GLA: variants seen among roughly 807,000 people sequenced by gnomAD.
The protein encoded by GLA is galactosidase alpha.
GLA carries 4 observed loss-of-function variants against 28.2 expected under a neutral mutation model. That is an observed-to-expected ratio of 0.14 (90% confidence interval 0.07 to 0.32). The LOEUF is 0.32. Among genes scored for constraint, GLA ranks in the 10% least tolerant of loss-of-function variants. The pLI, the probability that GLA is intolerant of heterozygous loss-of-function variation, is 1.00. For synonymous variants in GLA, 94 were observed against 113.0 expected, an observed-to-expected ratio of 0.83 and a Z score of 1.07; for missense variants, 203 against 323.7, an observed-to-expected ratio of 0.63 and a Z score of 2.86.
intron 4 of GLA, among the ~76,000 whole-genome samples, chrX:101,400,150 G>A (rs1928253872): frequency 9.0e-6 from 1 of 111,216 alleles, no homozygotes; most frequent in Admixed American, 9.6e-5. Context: ...AGGGTTTTAA[G>A]CAGGGAACTG....
rs201819574 is a variant in GLA at position 101,407,788 on chromosome X, G to A, written c.116C>T (p.Thr39Met). The A allele has an allele frequency of 1.7e-6, 2 of 1,209,428 alleles. No individual in the cohort carries two copies. Among genetic ancestry groups the A allele is most frequent in the Non-Finnish European group, 2.2e-6 (2 of 894,392 alleles). Residue 39 changes from threonine to methionine, a missense_variant, in exon 1 of 7, where the codon ACG becomes ATG. Thr to Met is a moderately conservative substitution (Grantham distance 81). Transcript: ENST00000218516. ...ARALDNGLAR[T>M]PTMGWLHWER... ...CCAGTGCAGCCAGCCCATGGTAGGCGTCCTTGCCAATCCATTGTCCAGTGC... is the reference window on the plus strand; with the variant it reads ...CCAGTGCAGCCAGCCCATGGTAGGCATCCTTGCCAATCCATTGTCCAGTGC...
intron 4 of GLA, chrX:101,399,776 A>C (rs1170716347): frequency 6.3e-5 from 7 of 111,833 alleles, no homozygotes; most frequent in African/African-American, 1.9e-4. Context: ...ACAAGTCAAC[A>C]AATACTTCCA....
rs1569305794 is a variant in GLA at position 101,406,994 on chromosome X, G to T, written c.194+716C>A. Among the ~76,000 whole-genome samples, 4 of 112,270 alleles carry T rather than the reference G, an allele frequency of 3.6e-5. No individual in the cohort carries two copies. In the South Asian group the frequency reaches 1.4e-3, roughly 41 times the overall value. On this transcript the variant is annotated intron_variant, in intron 1 of 6. Transcript: ENST00000218516. ...TTTGTCAGCTCCCTGAAATTAAAAG[G>T]TTGTAATCCCAATTTACAGATAAGG...
intron 1 of GLA, among the ~76,000 whole-genome samples, chrX:101,405,004 G>A (rs782753295): frequency 4.2e-4 from 46 of 110,325 alleles, no homozygotes; most frequent in African/African-American, 1.4e-3. Flanking sequence ...TTGGGAGGCC[G>A]AGGCAGGCAG....
In GLA at chrX:101,403,806, C is replaced by A. The variant is rs398123209; in HGVS notation, c.369+5G>T. 3 of 1,201,895 alleles carry A rather than the reference C, an allele frequency of 2.5e-6. No homozygotes were observed. Among genetic ancestry groups the A allele is most frequent in the Non-Finnish European group, 3.4e-6 (3 of 887,267 alleles). Reference sequence around the variant, plus strand: ...AATGAACAAGAACATTATCTATAAACTCACATAATTAGCTAGCTGGCGAAT... The same window carrying A: ...AATGAACAAGAACATTATCTATAAAATCACATAATTAGCTAGCTGGCGAAT... On this transcript the variant is annotated splice_donor_5th_base_variant and intron_variant, in intron 2 of 6. Transcript: ENST00000218516.
In GLA at chrX:101,398,362, T is replaced by A; in HGVS notation, c.999+8A>T. Reference sequence around the variant, plus strand: ...TAAAGCCATCTTAAAATATATACTCTTATTTACCTGTCTAAGCTGGTACCC... The same window carrying A: ...TAAAGCCATCTTAAAATATATACTCATATTTACCTGTCTAAGCTGGTACCC... On this transcript the variant is annotated splice_region_variant and intron_variant, in intron 6 of 6. Transcript: ENST00000218516. 8.5e-7 allele frequency: 1 copy of A among 1,172,154 alleles called. No homozygotes were observed. Among genetic ancestry groups the A allele is most frequent in the South Asian group, 1.8e-5 (1 of 56,095 alleles).
chrX:101,398,618 A>T (rs1555985042), intron 5 of GLA, 51 bp from the exon 6 acceptor site: 1 of 1,095,390 alleles, frequency 9.1e-7, no homozygotes, highest in East Asian at 3.0e-5. Flanking sequence ...AACATTCTTA[A>T]AGTTACCTAG....
At chrX:101,401,436 A>G in intron 3 of GLA, 196 bp downstream of exon 3, 1 of 485,458 alleles carries the variant, frequency 2.1e-6, no homozygotes, top group South Asian at 2.9e-5. Context: ...ATGGTTAGGT[A>G]TGCATGGATT....
chrX:101,401,533 G>T (rs782418101), intron 3 of GLA, 99 bp downstream of exon 3: 21 of 671,146 alleles, frequency 3.1e-5, no homozygotes, highest in Non-Finnish European at 4.5e-5. Flanking sequence ...CCAGTATTGT[G>T]ACAGGGTATT....
chrX:101,403,708 C>T lies in GLA; in HGVS notation c.369+103G>A, dbSNP rs1202055090. ...CCTCCCAAAGTGTTGGGATTACAGG[C>T]GTGAGCCACCACGCCCGGCCATGAG... On this transcript the variant is annotated intron_variant, in intron 2 of 6. Transcript: ENST00000218516. The T allele has an allele frequency of 2.5e-5, 20 of 811,239 alleles. No homozygotes were observed. The African/African-American group carries it at 3.4e-4, about 14-fold the overall frequency. The allele number at this position is 811,239 out of a possible 1,213,427, so 66.9% of individuals were successfully genotyped here. A position where few individuals can be genotyped will look rare whatever the true frequency, so the allele number is the denominator to read the frequency against.
At chrX:101,406,311 A>G (rs1928517259) in intron 1 of GLA, among the ~76,000 whole-genome samples, 1 of 110,703 alleles carries the variant, frequency 9.0e-6, no homozygotes, top group African/African-American at 3.3e-5. Context: ...GGGTCTTGCC[A>G]TTAGCCAAAC....
Position 101,406,073 on chromosome X carries a change from G to A in GLA, c.194+1637C>T, listed in dbSNP as rs782722520. Among the ~76,000 whole-genome samples the A allele has an allele frequency of 3.7e-3, 382 of 102,103 alleles. 2 individuals carry two copies. Among genetic ancestry groups the A allele is most frequent in the African/African-American group, 0.013 (371 of 27,645 alleles). The allele number at this position is 102,103 out of a possible 115,157, so 88.7% of individuals were successfully genotyped here. ...AAAAAAAAAAAAAAAAGAGCCAGGC[G>A]TGGTGGCAGGCGCCTGTAGTCCCAG... On this transcript the variant is annotated intron_variant, in intron 1 of 6. Transcript: ENST00000218516.
Position 101,407,771 on chromosome X carries a change from G to A in GLA, c.133C>T (p.Leu45=), listed in dbSNP as rs143084761. Residue 45 remains leucine, a synonymous_variant, in exon 1 of 7, where the codon CTG becomes TTG. Transcript: ENST00000218516. Reference sequence around the variant, plus strand: ...TTGCACATGAAGCGCTCCCAGTGCAGCCAGCCCATGGTAGGCGTCCTTGCC... The same window carrying A: ...TTGCACATGAAGCGCTCCCAGTGCAACCAGCCCATGGTAGGCGTCCTTGCC... ...GLARTPTMGW[L]HWERFMCNLD... is the part of the protein sequence containing the mutation. 35 of 1,209,708 alleles carry A rather than the reference G, an allele frequency of 2.9e-5. No homozygotes were observed. Among genetic ancestry groups the A allele is most frequent in the Non-Finnish European group, 3.8e-5 (34 of 894,632 alleles).
chrX:101,407,590 C>A (rs1038783766), intron 1 of GLA, 120 bp downstream of exon 1: 1 of 667,134 alleles, frequency 1.5e-6, no homozygotes, highest in South Asian at 2.2e-5. Context: ...AAAGCAGCAG[C>A]AGAGTCGGGT....
chrX:101,404,590 G>A, intron 1 of GLA, among the ~76,000 whole-genome samples: 1 of 62,563 alleles, frequency 1.6e-5, no homozygotes, highest in Non-Finnish European at 2.5e-5. Flanking sequence ...TTTTTTTTGA[G>A]ATGGAGTCTC....
At chrX:101,405,589 GGAA>G (rs1928476241) in intron 1 of GLA, among the ~76,000 whole-genome samples, 1 of 111,585 alleles carries the variant, frequency 9.0e-6, no homozygotes, top group Non-Finnish European at 1.9e-5. Flanking sequence ...CCAACACATA[GGAA>G]GAACCACTGT....
At chrX:101,402,737 C>T (rs1445403099) in intron 2 of GLA, among the ~76,000 whole-genome samples, 1 of 109,819 alleles carries the variant, frequency 9.1e-6, no homozygotes, top group African/African-American at 3.3e-5. Context: ...GCACTCCAGC[C>T]TGGGCGACAG....
intron 1 of GLA, 72 bp from the exon 2 acceptor site, chrX:101,404,057 C>T: frequency 1.0e-6 from 1 of 982,470 alleles, no homozygotes; most frequent in Non-Finnish European, 1.4e-6. Context: ...TTATTAGGCA[C>T]CTTGGGATTT....
At position 101,398,033 on chromosome X, in the gene GLA, G is replaced by T. The variant is rs104894827; in HGVS notation, c.1066C>A (p.Arg356=). The change falls in exon 7 of 7, where the codon CGG becomes AGG. Residue 356 remains arginine, a synonymous_variant. Transcript: ENST00000218516. Reference sequence around the variant, plus strand: ...GAGCGAGGTCCACCAATCTCCTGCCGGTTTATCATAGCTACAGCCCAGGCT... The same window carrying T: ...GAGCGAGGTCCACCAATCTCCTGCCTGTTTATCATAGCTACAGCCCAGGCT... ...GLAWAVAMIN[R]QEIGGPRSYT... 8.3e-7 allele frequency: 1 copy of T among 1,210,824 alleles called. No homozygotes were observed. The highest frequency in any genetic ancestry group is 1.1e-6 in the Non-Finnish European group (1 of 894,594).
Sources: gnomAD v4.1 joint callset for allele counts (sites outside exome capture counted in the v4.1 genomes callset) on GRCh38, gnomAD v4.1.1 for gene constraint, MANE v1.5 for transcripts, NCBI Gene and HGNC (gene_info 2026-07-23, HGNC 2026-07-21) for gene names.